The following WHRN variants were observed in gnomAD, a reference collection of about 807,000 sequenced individuals.
WHRN encodes the protein CASK-interacting protein CIP98.
A neutral mutation model predicts 68.3 loss-of-function variants in WHRN; 41 were observed. The ratio of observed to expected loss-of-function variants is 0.60; its 90% CI spans 0.47 to 0.78. The LOEUF is 0.78. Among genes scored for constraint, WHRN ranks in the 30% least tolerant of loss-of-function variants. The probability of loss-of-function intolerance (pLI) is 0.00; values close to 1 mark genes in which losing one functional copy is unlikely to be tolerated. For missense variants in WHRN, 1,243 were observed against 1,244.7 expected, an observed-to-expected ratio of 1.00 and a Z score of 0.02; for synonymous variants, 560 against 561.3, an observed-to-expected ratio of 1.00 and a Z score of 0.03.
intron 9 of WHRN, among the ~76,000 whole-genome samples, chr9:114,404,791 G>C (rs569143087): frequency 6.6e-6 from 1 of 152,194 alleles, no homozygotes; most frequent in African/African-American, 2.4e-5. Context: ...TGGGGTGATT[G>C]TAAAAACTCA....
intron 1 of WHRN, among the ~76,000 whole-genome samples, chr9:114,489,454 A>G (rs1047048440): frequency 9.2e-6 from 1 of 108,468 alleles, no homozygotes; most frequent in African/African-American, 3.2e-5. Flanking sequence ...CAAAGGCACC[A>G]CACACACATA....
intron 3 of WHRN, among the ~76,000 whole-genome samples, chr9:114,442,787 T>C (rs1336613510): frequency 1.3e-5 from 2 of 152,204 alleles, no homozygotes; most frequent in Non-Finnish European, 1.5e-5. Context: ...AAGCAGTTGC[T>C]GGCACGGCCT....
chr9:114,445,572 G>A (rs1049995298), intron 3 of WHRN, among the ~76,000 whole-genome samples: 1 of 152,146 alleles, frequency 6.6e-6, no homozygotes, highest in African/African-American at 2.4e-5. Flanking sequence ...AAATTGTGGG[G>A]AGACAAGCCA....
At chr9:114,492,436 C>T (rs933174692) in intron 1 of WHRN, among the ~76,000 whole-genome samples, 1 of 152,186 alleles carries the variant, frequency 6.6e-6, no homozygotes, top group African/African-American at 2.4e-5. Context: ...ATTATGCAAT[C>T]ATTAAAAAAT....
At chr9:114,486,966 TATATATATATATA>T (rs1422516372) in intron 1 of WHRN, among the ~76,000 whole-genome samples, 9 of 874 alleles carry the variant, frequency 0.01, 1 homozygote, top group African/African-American at 0.018. Context: ...TGTGTATATA[TATATATATATATA>T]TATATATATA....
intron 4 of WHRN, 165 bp from the exon 5 acceptor site, chr9:114,425,189 G>C (rs1389490583): frequency 5.2e-6 from 4 of 766,038 alleles, no homozygotes; most frequent in Admixed American, 3.9e-5. Context: ...AGGGGTAAAG[G>C]AAACTCCGGA....
intron 1 of WHRN, 151 bp from the exon 2 acceptor site, chr9:114,478,922 T>A (rs1298964543): frequency 2.9e-5 from 22 of 756,694 alleles, no homozygotes. Context: ...TAGCCCTCGA[T>A]TTTGTCCTGT....
At chr9:114,484,688 G>T (rs552538033) in intron 1 of WHRN, among the ~76,000 whole-genome samples, 132 of 152,358 alleles carry the variant, frequency 8.7e-4, no homozygotes, top group Non-Finnish European at 1.6e-3. Flanking sequence ...TGACCCAGCA[G>T]ATGGCACGAC....
intron 1 of WHRN, among the ~76,000 whole-genome samples, chr9:114,490,115 C>T (rs982976692): frequency 3.3e-5 from 5 of 152,232 alleles, no homozygotes; most frequent in African/African-American, 4.8e-5. Context: ...CCATCTGCTC[C>T]GGCTCTGTGC....
At chr9:114,454,969 C>A (rs1839649773) in intron 3 of WHRN, among the ~76,000 whole-genome samples, 1 of 150,532 alleles carries the variant, frequency 6.6e-6, no homozygotes, top group Non-Finnish European at 1.5e-5. Flanking sequence ...ATAGGGTAGT[C>A]CTTTCAGCAG....
At chr9:114,460,451 A>C (rs1306943050) in intron 3 of WHRN, among the ~76,000 whole-genome samples, 1 of 152,278 alleles carries the variant, frequency 6.6e-6, no homozygotes, top group East Asian at 1.9e-4. Flanking sequence ...AACTGCTATC[A>C]TTATGATTAA....
chr9:114,418,949 A>G (rs1836032401), intron 7 of WHRN, among the ~76,000 whole-genome samples: 1 of 152,234 alleles, frequency 6.6e-6, no homozygotes, highest in African/African-American at 2.4e-5. Flanking sequence ...GGTGTTCACC[A>G]CTGTATCCCC....
At chr9:114,425,490 T>C in intron 4 of WHRN, 1 of 280,396 alleles carries the variant, frequency 3.6e-6, no homozygotes, top group Non-Finnish European at 6.5e-6. Context: ...AGAAATCCAG[T>C]TTTTTTTTTT....
intron 3 of WHRN, among the ~76,000 whole-genome samples, chr9:114,465,184 T>TAAGAGTAAGAGTAAGAGTAAGAGTAAG (rs1840574772): frequency 6.6e-6 from 1 of 152,216 alleles, no homozygotes; most frequent in Non-Finnish European, 1.5e-5. Context: ...GACAGACGTA[T>TAAGAGTAAGAGTAAGAGTAAGAGTAAG]CGTCTCTGTA....
At chr9:114,473,696 C>T (rs948248361) in intron 2 of WHRN, among the ~76,000 whole-genome samples, 16 of 152,214 alleles carry the variant, frequency 1.1e-4, no homozygotes, top group African/African-American at 3.6e-4. Flanking sequence ...ACAACCCCAT[C>T]TCCAATAAAT....
At chr9:114,494,796 A>C (rs1843304192) in intron 1 of WHRN, among the ~76,000 whole-genome samples, 1 of 152,202 alleles carries the variant, frequency 6.6e-6, no homozygotes, top group Admixed American at 6.5e-5. Flanking sequence ...ATACACGTAC[A>C]CTGAAAACAG....
intron 3 of WHRN, among the ~76,000 whole-genome samples, chr9:114,461,836 T>G (rs1395270077): frequency 6.6e-6 from 1 of 152,224 alleles, no homozygotes; most frequent in South Asian, 2.1e-4. Context: ...ATTATTACAA[T>G]TGTAACTAAA....
intron 1 of WHRN, among the ~76,000 whole-genome samples, chr9:114,500,591 C>A (rs1295199876): frequency 6.6e-6 from 1 of 152,148 alleles, no homozygotes; most frequent in Non-Finnish European, 1.5e-5. Flanking sequence ...GGTGCTGAGG[C>A]CATAAGGAAG....
In WHRN at chr9:114,406,888, T is replaced by A; in HGVS notation, c.1703A>T (p.Asp568Val). 6.4e-7 allele frequency: 1 copy of A among 1,572,128 alleles called. No homozygotes were observed. Among genetic ancestry groups the A allele is most frequent in the South Asian group, 1.2e-5 (1 of 86,304 alleles). ...CAGCCCCTGGGAGGTGGATCTGACATCATCCTGCCAAAAGACCCAACAGGC... is the reference window on the plus strand; with the variant it reads ...CAGCCCCTGGGAGGTGGATCTGACAACATCCTGCCAAAAGACCCAACAGGC... ...INALPDVSVD[D>V]VRSTSQGLSS... Residue 568 changes from aspartate (D) to valine (V), a missense_variant, in exon 9 of 12, where the codon GAT becomes GTT. By Grantham distance (152) the Asp-to-Val change is radical. Transcript: ENST00000362057.
Sources: allele counts gnomAD v4.1 joint callset (sites outside exome capture counted in the v4.1 genomes callset), GRCh38; gene constraint gnomAD v4.1.1; transcripts MANE v1.5; gene names NCBI Gene and HGNC (gene_info 2026-07-23, HGNC 2026-07-21).